The following PKHD1 variants were observed in gnomAD, a reference collection of about 807,000 sequenced individuals.
PKHD1 encodes PKHD1 ciliary IPT domain containing fibrocystin/polyductin.
A neutral mutation model predicts 412.0 loss-of-function variants in PKHD1; 291 were observed. The observed-to-expected ratio is 0.71, with a 90% CI of 0.64 to 0.78. The LOEUF (loss-of-function observed/expected upper bound fraction) is 0.78, where lower values mean the gene tolerates loss of function less well. Among genes scored for constraint, PKHD1 ranks in the 30% least tolerant of loss-of-function variants. The probability of loss-of-function intolerance (pLI) is 0.00; values close to 1 mark genes in which losing one functional copy is unlikely to be tolerated. For synonymous variants in PKHD1, 1,777 were observed against 1,821.5 expected (o/e 0.98, Z 0.62); for missense variants, 4,825 against 4,950.7 (o/e 0.97, Z 0.76).
At position 51,832,333 on chromosome 6, in the gene PKHD1, A is replaced by C. The variant is rs769056150; in HGVS notation, c.8174-1344T>G. On this transcript the variant is annotated intron_variant, in intron 51 of 66. Coordinates refer to ENST00000371117, the MANE Select transcript of PKHD1 (RefSeq NM_138694.4). ...GGGGAGGTTGTGATGAGTGTATGAC[A>C]AGAGGGTTGCACTGCAGACAGAAGG... Among the ~76,000 whole-genome samples, 705 of 152,170 alleles carry C rather than the reference A, an allele frequency of 4.6e-3. 3 individuals are homozygous for C. Among genetic ancestry groups the C allele is most frequent in the Admixed American group, 8.3e-3 (127 of 15,258 alleles).
At chr6:52,085,562 T>G (rs939613094) in intron 1 of PKHD1, among the ~76,000 whole-genome samples, 16 of 152,152 alleles carry the variant, frequency 1.1e-4, no homozygotes, top group Non-Finnish European at 2.1e-4. Flanking sequence ...CAGGAGCCCC[T>G]CCTCAGCTGA....
intron 11 of PKHD1, among the ~76,000 whole-genome samples, chr6:52,066,290 A>C (rs1434231383): frequency 1.3e-5 from 2 of 152,184 alleles, no homozygotes; most frequent in African/African-American, 4.8e-5. Flanking sequence ...AATATTTGAA[A>C]GGAAGGGGAA....
intron 37 of PKHD1, among the ~76,000 whole-genome samples, chr6:51,932,865 C>T (rs1429134384): frequency 2.0e-5 from 3 of 152,146 alleles, no homozygotes; most frequent in Non-Finnish European, 4.4e-5. Flanking sequence ...GAGACACAAG[C>T]ATGTTTTTTG....
intron 35 of PKHD1, among the ~76,000 whole-genome samples, chr6:51,970,469 C>T (rs1268653): frequency 0.99 from 151,470 of 152,378 alleles, 75,285 homozygotes; most frequent in Middle Eastern, 1. Context: ...GTCCCACTTG[C>T]TTATTTTTGG....
chr6:51,988,703 C>T (rs1277092732), intron 35 of PKHD1, among the ~76,000 whole-genome samples: 1 of 152,160 alleles, frequency 6.6e-6, no homozygotes, highest in African/African-American at 2.4e-5. Context: ...CCATTTAAAA[C>T]TCAAAAACCT....
chr6:51,973,083 A>G (rs1366130726), intron 35 of PKHD1, among the ~76,000 whole-genome samples: 2 of 152,256 alleles, frequency 1.3e-5, no homozygotes, highest in Admixed American at 1.3e-4. Flanking sequence ...CATAACTTAA[A>G]TACCCCAGTG....
At chr6:52,054,852 G>A (rs1807461284) in intron 19 of PKHD1, among the ~76,000 whole-genome samples, 1 of 152,148 alleles carries the variant, frequency 6.6e-6, no homozygotes, top group Non-Finnish European at 1.5e-5. Context: ...GAAGAGATGA[G>A]GCTGAAGAAG....
intron 57 of PKHD1, among the ~76,000 whole-genome samples, chr6:51,752,731 G>C (rs2151008148): frequency 6.6e-6 from 1 of 152,264 alleles, no homozygotes; most frequent in East Asian, 1.9e-4. Context: ...TTCCAAAAGG[G>C]CTAAAACTTG....
chr6:51,631,869 A>T (rs916604517), intron 65 of PKHD1, among the ~76,000 whole-genome samples: 7 of 151,600 alleles, frequency 4.6e-5, no homozygotes, highest in African/African-American at 1.2e-4. Flanking sequence ...ACAAACAAAC[A>T]AACTAAGCCC....
chr6:51,900,219 C>G (rs1781002296), intron 43 of PKHD1, among the ~76,000 whole-genome samples: 1 of 152,218 alleles, frequency 6.6e-6, no homozygotes, highest in African/African-American at 2.4e-5. Context: ...CCAAGTCAAT[C>G]CTAAGCCAAA....
intron 63 of PKHD1, among the ~76,000 whole-genome samples, chr6:51,639,176 A>G (rs1769002881): frequency 6.6e-6 from 1 of 152,146 alleles, no homozygotes; most frequent in Non-Finnish European, 1.5e-5. Flanking sequence ...TATGCCAGAC[A>G]CTGTTCTATA....
chr6:51,843,749 A>G (rs757260938), intron 50 of PKHD1, among the ~76,000 whole-genome samples: 7 of 152,242 alleles, frequency 4.6e-5, no homozygotes, highest in Non-Finnish European at 8.8e-5. Context: ...ATCCTAACAC[A>G]AACAATAGTG....
At chr6:51,925,008 T>G (rs563894130) in intron 37 of PKHD1, among the ~76,000 whole-genome samples, 43 of 152,350 alleles carry the variant, frequency 2.8e-4, no homozygotes, top group African/African-American at 1.0e-3. Flanking sequence ...ATGTGGGAAC[T>G]GAAACACTGG....
chr6:51,815,063 T>G (rs551722132), intron 52 of PKHD1, among the ~76,000 whole-genome samples: 1 of 152,234 alleles, frequency 6.6e-6, no homozygotes, highest in African/African-American at 2.4e-5. Flanking sequence ...CATCCACCCT[T>G]TGTTTGCCAA....
chr6:51,849,664 CAT>C (rs952703181), intron 49 of PKHD1, among the ~76,000 whole-genome samples: 2 of 151,968 alleles, frequency 1.3e-5, no homozygotes, highest in Non-Finnish European at 2.9e-5. Context: ...AGCTTTTTTT[CAT>C]GTTTGTTGGC....
rs9395722 is a variant in PKHD1 at position 51,797,254 on chromosome 6, G to A, written c.8303-5881C>T. On this transcript the variant is annotated intron_variant, in intron 52 of 66. Transcript: ENST00000371117. ...AATTTTAAAGTAAGTGCTGTGTGGT[G>A]ATGAGAACAAGGTATATGCCTTTGT... Among the ~76,000 whole-genome samples, 99 of 152,144 alleles carry A rather than the reference G, an allele frequency of 6.5e-4. 1 individual carries two copies. Among genetic ancestry groups the A allele is most frequent in the Admixed American group, 1.9e-3 (29 of 15,290 alleles).
At chr6:51,912,115 A>C (rs1262885119) in intron 38 of PKHD1, among the ~76,000 whole-genome samples, 159 bp from the exon 39 acceptor site, 1 of 152,168 alleles carries the variant, frequency 6.6e-6, no homozygotes, top group Non-Finnish European at 1.5e-5. Context: ...AGTACATGAA[A>C]ATTAGAAACT....
At chr6:51,751,001 T>C (rs1255561595) in intron 57 of PKHD1, among the ~76,000 whole-genome samples, 1 of 152,060 alleles carries the variant, frequency 6.6e-6, no homozygotes, top group Non-Finnish European at 1.5e-5. Context: ...GGTATCGAAC[T>C]CCTGACCTCA....
At chr6:51,717,245 T>G (rs915742043) in intron 60 of PKHD1, among the ~76,000 whole-genome samples, 3 of 152,074 alleles carry the variant, frequency 2.0e-5, no homozygotes, top group Admixed American at 6.5e-5. Flanking sequence ...AACCCTGTCT[T>G]TACTAAAAAA....
Sources: allele counts gnomAD v4.1 joint callset (sites outside exome capture counted in the v4.1 genomes callset), GRCh38; gene constraint gnomAD v4.1.1; transcripts MANE v1.5; gene names NCBI Gene and HGNC (gene_info 2026-07-23, HGNC 2026-07-21).